The following VPS37A variants were observed in gnomAD, a reference collection of about 807,000 sequenced individuals.
VPS37A encodes VPS37A subunit of ESCRT-I.
VPS37A carries 30 observed loss-of-function variants against 49.8 expected under a neutral mutation model. The ratio of observed to expected loss-of-function variants is 0.60; its 90% CI spans 0.45 to 0.82. The LOEUF is 0.82. Among genes scored for constraint, VPS37A ranks in the 40% least tolerant of loss-of-function variants. VPS37A has a pLI of 0.00. For synonymous variants in VPS37A, 195 were observed against 160.6 expected (o/e 1.21, Z -1.62); for missense variants, 593 against 464.4 (o/e 1.28, Z -2.55).
rs1251931701 is a variant in VPS37A at position 17,248,431 on chromosome 8, T to C, written c.125+1062T>C. ...CTGGGATTACAGGTGCGCGCCACCA[T>C]GCGCGGCTAATATTTTGTATTTTTA... is the stretch of plus-strand genomic sequence containing the variant. On this transcript the variant is annotated intron_variant, in intron 1 of 11. Transcript: ENST00000324849. 1.8e-5 allele frequency: 8 copies of C among 452,920 alleles called. No homozygotes were observed. The East Asian group carries it at 4.2e-4, about 24-fold the overall frequency. 28.1% of individuals were successfully genotyped at this position (452,920 alleles called of 1,614,324 possible).
At chr8:17,333,273 A>C in the VPS37A span, among the ~76,000 whole-genome samples, 1 of 152,222 alleles carries the variant, frequency 6.6e-6, no homozygotes. Flanking sequence ...TTTTAAGACA[A>C]CTTATGTTCA....
chr8:17,308,634 T>G, the VPS37A span, among the ~76,000 whole-genome samples: 5 of 152,162 alleles, frequency 3.3e-5, no homozygotes, highest in East Asian at 3.9e-4. Context: ...CATTTAAGAT[T>G]CAAAGAGTAG....
downstream of VPS37A, among the ~76,000 whole-genome samples, chr8:17,306,801 G>A (rs753771762): frequency 2.6e-5 from 4 of 152,086 alleles, no homozygotes; most frequent in Admixed American, 1.3e-4. Context: ...TCTCACCTTT[G>A]GTAGCTTTAA....
At chr8:17,278,487 C>T (rs1226182204) in intron 6 of VPS37A, among the ~76,000 whole-genome samples, 1 of 152,036 alleles carries the variant, frequency 6.6e-6, no homozygotes, top group Non-Finnish European at 1.5e-5. Context: ...TGAGTTGCTG[C>T]ACTATCTGTC....
At chr8:17,299,925 A>G (rs761167196), downstream of VPS37A, 18 of 1,614,128 alleles carry the variant, frequency 1.1e-5, no homozygotes, top group Middle Eastern at 1.6e-4. Flanking sequence ...CACTCGGTGC[A>G]TGCTCACCAC....
chr8:17,291,747 G>A (rs902179685), intron 11 of VPS37A, among the ~76,000 whole-genome samples: 3 of 151,970 alleles, frequency 2.0e-5, no homozygotes, highest in East Asian at 1.9e-4. Context: ...AGTAGTCATC[G>A]AGGAGCAGGT....
chr8:17,270,451 C>G (rs148308057), intron 4 of VPS37A, among the ~76,000 whole-genome samples: 2 of 152,124 alleles, frequency 1.3e-5, no homozygotes, highest in Admixed American at 6.5e-5. Context: ...TCCATGTGAC[C>G]TGCGCTTCCT....
intron 11 of VPS37A, among the ~76,000 whole-genome samples, chr8:17,292,324 A>G (rs1053666719): frequency 8.5e-5 from 13 of 152,124 alleles, no homozygotes; most frequent in African/African-American, 2.9e-4. Context: ...GGCTTGGTAA[A>G]TCTTCCTCCA....
chr8:17,333,449 G>T, the VPS37A span, among the ~76,000 whole-genome samples: 211 of 152,262 alleles, frequency 1.4e-3, 1 homozygote, highest in African/African-American at 4.7e-3. Context: ...TAGGAGATTT[G>T]AAAGTATCCT....
At position 17,297,220 on chromosome 8, in the gene VPS37A, G is replaced by A. The variant is rs142001356; in HGVS notation, c.*2234G>A. On this transcript the variant is annotated 3_prime_UTR_variant, in exon 12 of 12. Transcript: ENST00000324849. ...ACTAGGCTAATCAGTGTACGAATTT[G>A]TCATAGGTAGAGATTTAAAGGTTAA... 7 of 152,216 alleles carry A rather than the reference G, an allele frequency of 4.6e-5. No individual in the cohort carries two copies. In the East Asian group the frequency reaches 9.7e-4, roughly 21 times the overall value. 9.4% of individuals were successfully genotyped at this position (152,216 alleles called of 1,614,324 possible). A position where few individuals can be genotyped will look rare whatever the true frequency, so the allele number is the denominator to read the frequency against.
At position 17,284,461 on chromosome 8, in the gene VPS37A, T is replaced by A. The variant is rs1191528090; in HGVS notation, c.970-12T>A. On this transcript the variant is annotated splice_polypyrimidine_tract_variant and intron_variant, in intron 9 of 11. Transcript: ENST00000324849. ...ATCATAAATTAAAGTAGTGCCTGAT[T>A]TTCTTTTTCAGAGCTGTAGTGCAAG... 3.9e-6 allele frequency: 6 copies of A among 1,554,394 alleles called. No individual in the cohort carries two copies. The highest frequency in any genetic ancestry group is 5.2e-6 in the Non-Finnish European group (6 of 1,161,074).
downstream of VPS37A, chr8:17,305,799 C>T (rs1466869593): frequency 6.2e-7 from 1 of 1,613,526 alleles, no homozygotes. Context: ...TAGGAAGTTT[C>T]CAAACTGGCA....
Position 17,247,073 on chromosome 8 carries a change from C to A in VPS37A, c.-172C>A. 1.2e-6 allele frequency: 1 copy of A among 827,684 alleles called. No individual in the cohort carries two copies. Among genetic ancestry groups the A allele is most frequent in the Non-Finnish European group, 1.8e-6 (1 of 540,730 alleles). The allele number at this position is 827,684 out of a possible 1,614,324, so 51.3% of individuals were successfully genotyped here. On this transcript the variant is annotated 5_prime_UTR_variant, in exon 1 of 12. Coordinates refer to ENST00000324849, the MANE Select transcript of VPS37A (RefSeq NM_152415.3). ...AGCCGCCCGCCGTTCGTAGCATGTC[C>A]CCCAGAACTCGGGGAGCGCAGGCAG...
intron 11 of VPS37A, among the ~76,000 whole-genome samples, chr8:17,291,090 T>A (rs1816103814): frequency 6.6e-6 from 1 of 152,218 alleles, no homozygotes; most frequent in Non-Finnish European, 1.5e-5. Context: ...CTTGGCTCAC[T>A]GCAGCCTCCG....
Position 17,284,576 on chromosome 8 carries a change from A to G in VPS37A, c.1073A>G (p.Glu358Gly). Residue 358 changes from glutamate to glycine, a missense_variant, in exon 10 of 12, where the codon GAA (glutamate) becomes GGA (glycine). Coordinates refer to ENST00000324849, the MANE Select transcript of VPS37A (RefSeq NM_152415.3). Reference protein sequence around the residue: ...IAEDFLEGKMEIDDFLSSFME... With the variant: ...IAEDFLEGKMGIDDFLSSFME... ...GAAGACTTCTTGGAGGGAAAGATGG[A>G]AATAGATGATTTTCTCAGTAGCTTC... 6.2e-7 allele frequency: 1 copy of G among 1,600,826 alleles called. No individual in the cohort carries two copies. The highest frequency in any genetic ancestry group is 8.5e-7 in the Non-Finnish European group (1 of 1,175,566).
chr8:17,256,664 T>G (rs1326986730), intron 1 of VPS37A, among the ~76,000 whole-genome samples: 1 of 151,594 alleles, frequency 6.6e-6, no homozygotes, highest in East Asian at 1.9e-4. Flanking sequence ...ATTTATTTAT[T>G]TATTGGAAAT....
the VPS37A span, among the ~76,000 whole-genome samples, chr8:17,319,933 G>C: frequency 6.6e-6 from 1 of 152,096 alleles, no homozygotes; most frequent in Non-Finnish European, 1.5e-5. Flanking sequence ...GTCACATGTG[G>C]CTACGAAACA....
chr8:17,284,430 G>T (rs1009693455), intron 9 of VPS37A, 43 bp from the exon 10 acceptor site: 4 of 1,539,236 alleles, frequency 2.6e-6, no homozygotes, highest in Middle Eastern at 2.3e-4. Flanking sequence ...AGGAGTTCTT[G>T]TGAGTATCAT....
downstream of VPS37A, among the ~76,000 whole-genome samples, chr8:17,300,576 G>A (rs1817046442): frequency 6.6e-6 from 1 of 152,148 alleles, no homozygotes; most frequent in African/African-American, 2.4e-5. Context: ...TAGAAATCAT[G>A]AATGAAGTGT....
Sources: gnomAD v4.1 joint callset for allele counts (sites outside exome capture counted in the v4.1 genomes callset) on GRCh38, gnomAD v4.1.1 for gene constraint, MANE v1.5 for transcripts, NCBI Gene and HGNC (gene_info 2026-07-23, HGNC 2026-07-21) for gene names.